TRIP12: variants seen among roughly 807,000 people sequenced by gnomAD.
The protein encoded by TRIP12 is thyroid hormone receptor interactor 12.
TRIP12 carries 25 observed loss-of-function variants against 244.2 expected under a neutral mutation model. The observed-to-expected ratio is 0.10, with a 90% CI of 0.07 to 0.14. The LOEUF (loss-of-function observed/expected upper bound fraction) is 0.14, where lower values mean the gene tolerates loss of function less well. TRIP12 is among the 10% of genes least tolerant of loss of function. The pLI, the probability that TRIP12 is intolerant of heterozygous loss-of-function variation, is 1.00. For synonymous variants in TRIP12, 905 were observed against 873.1 expected (o/e 1.04, Z -0.64); for missense variants, 1,677 against 2,486.4 (o/e 0.67, Z 6.92).
At chr2:229,803,130 G>A (rs760498631) in intron 20 of TRIP12, among the ~76,000 whole-genome samples, 3 of 152,232 alleles carry the variant, frequency 2.0e-5, no homozygotes, top group South Asian at 2.1e-4. Flanking sequence ...ATGAGCACAC[G>A]TTCACATTTT....
At chr2:229,922,378 G>A (rs900466287), upstream of TRIP12, 6 of 806,722 alleles carry the variant, frequency 7.4e-6, no homozygotes, top group Admixed American at 4.8e-5. Context: ...TTGGAAGAGG[G>A]GACGATCGCC....
At chr2:229,904,416 CAAAAAAAAAA>C (rs34224407) in intron 1 of TRIP12, among the ~76,000 whole-genome samples, 19 of 87,606 alleles carry the variant, frequency 2.2e-4, no homozygotes, top group African/African-American at 8.5e-4. Flanking sequence ...ACTCCATCTC[CAAAAAAAAAA>C]AAAAAAAAAA....
chr2:229,897,599 A>C (rs2069235959), intron 1 of TRIP12, among the ~76,000 whole-genome samples: 1 of 152,232 alleles, frequency 6.6e-6, no homozygotes, highest in Admixed American at 6.5e-5. Flanking sequence ...GTCAGCTGAG[A>C]TCGTGCCACT....
intron 20 of TRIP12, 108 bp from the exon 21 acceptor site, chr2:229,802,567 A>C: frequency 1.3e-6 from 1 of 751,032 alleles, no homozygotes. Context: ...ACACAAAAAG[A>C]CTAAAACATA....
At chr2:229,808,195 T>C in intron 16 of TRIP12, 57 bp downstream of exon 16, 1 of 1,290,740 alleles carries the variant, frequency 7.7e-7, no homozygotes. Context: ...CTCGAACTCC[T>C]GACCTCGTGA....
chr2:229,851,094 G>T (rs2058607909), intron 4 of TRIP12, among the ~76,000 whole-genome samples: 1 of 152,246 alleles, frequency 6.6e-6, no homozygotes, highest in Non-Finnish European at 1.5e-5. Flanking sequence ...AAGGGCTGAG[G>T]AGTCCGAGCA....
At chr2:229,871,019 A>G (rs969797702) in intron 2 of TRIP12, among the ~76,000 whole-genome samples, 1 of 152,106 alleles carries the variant, frequency 6.6e-6, no homozygotes, top group Non-Finnish European at 1.5e-5. Flanking sequence ...TTAGGCAGGC[A>G]TGGTGGTGCA....
At chr2:229,840,577 C>T (rs1355638046) in intron 5 of TRIP12, among the ~76,000 whole-genome samples, 1 of 152,004 alleles carries the variant, frequency 6.6e-6, no homozygotes, top group African/African-American at 2.4e-5. Flanking sequence ...TGGCAGGCAC[C>T]TGTAATCCCA....
chr2:229,782,868 T>G (rs1224403732), intron 34 of TRIP12, among the ~76,000 whole-genome samples: 2 of 152,130 alleles, frequency 1.3e-5, no homozygotes, highest in East Asian at 3.9e-4. Context: ...ATAAGAAAGC[T>G]GAGGGGCAGA....
rs763647554 is a variant in TRIP12, at chr2:229,771,632, G to A, written c.5695C>T (p.Leu1899=). ...TIHNLEEYLR[L]VIFWALNEGV... ...TCATTTAGTGCCCAGAATATAACCA[G>A]CTGCAAAAAGAAAGTTTTCAAAAAA... Residue 1899 remains leucine, a splice_region_variant and synonymous_variant, in exon 39 of 42, where the codon CTG becomes TTG. Coordinates refer to ENST00000675903, the MANE Select transcript of TRIP12 (RefSeq NM_001348323.3). 6.2e-7 allele frequency: 1 copy of A among 1,610,972 alleles called. No homozygotes were observed. Among genetic ancestry groups the A allele is most frequent in the Non-Finnish European group, 8.5e-7 (1 of 1,178,130 alleles).
In TRIP12 at chr2:229,859,086, G is replaced by C. The variant is rs763654046; in HGVS notation, c.713C>G (p.Ser238Cys). 1.2e-6 allele frequency: 2 copies of C among 1,614,218 alleles called. No individual in the cohort carries two copies. The highest frequency in any genetic ancestry group is 2.2e-5 in the South Asian group (2 of 91,088). The change falls in exon 4 of 42, where the codon TCT becomes TGT. Residue 238 changes from serine (S) to cysteine (C), a missense_variant. By Grantham distance (112) the Ser-to-Cys change is moderately radical (BLOSUM62 -1). Coordinates refer to ENST00000675903, the MANE Select transcript of TRIP12 (RefSeq NM_001348323.3). ...GGAGGAAGTAGAGGCAGCAGAAGAA[G>C]AATCAGTGATGGTGCTACACCCAGC... is the stretch of plus-strand genomic sequence containing the variant. ...AKAGCSTITD[S>C]SSAASTSSSS...
intron 37 of TRIP12, 50 bp from the exon 38 acceptor site, chr2:229,774,311 G>T (rs562450459): frequency 6.5e-7 from 1 of 1,537,902 alleles, no homozygotes; most frequent in Non-Finnish European, 8.8e-7. Flanking sequence ...ATTAACTTAC[G>T]GTTGTTTAAA....
At chr2:229,779,385 G>A (rs988704702) in intron 34 of TRIP12, among the ~76,000 whole-genome samples, 1 of 152,106 alleles carries the variant, frequency 6.6e-6, no homozygotes, top group African/African-American at 2.4e-5. Context: ...GCTCCCCCCA[G>A]CATCTGCTCC....
rs189844365 is a variant in TRIP12, at chr2:229,827,558, T to A, written c.1450+1635A>T. Among the ~76,000 whole-genome samples, 304 of 152,188 alleles carry A rather than the reference T, an allele frequency of 2.0e-3. 2 individuals are homozygous for A. The highest frequency in any genetic ancestry group is 7.0e-3 in the African/African-American group (290 of 41,524). On this transcript the variant is annotated intron_variant, in intron 8 of 41. Transcript: ENST00000675903. ...AACCTAGGCCTGCACGGGATGAAGA[T>A]CATCGGTATCATTACGTTCTACCTC...
intron 17 of TRIP12, chr2:229,807,292 C>T: frequency 4.8e-6 from 1 of 206,474 alleles, no homozygotes; most frequent in Non-Finnish European, 9.9e-6. Flanking sequence ...TTACCCAGAA[C>T]TGGCTATTTC....
At chr2:229,894,959 C>T (rs1005774037) in intron 1 of TRIP12, among the ~76,000 whole-genome samples, 7 of 152,120 alleles carry the variant, frequency 4.6e-5, no homozygotes, top group African/African-American at 1.7e-4. Flanking sequence ...AGAAAGGCAC[C>T]TTTAGGCCTC....
chr2:229,922,978 A>T (rs2076811643), upstream of TRIP12, among the ~76,000 whole-genome samples: 1 of 152,168 alleles, frequency 6.6e-6, no homozygotes, highest in African/African-American at 2.4e-5. Flanking sequence ...CGACTCAGCC[A>T]AGTGTCCCAA....
intron 4 of TRIP12, among the ~76,000 whole-genome samples, chr2:229,844,580 A>G (rs1391320594): frequency 2.6e-5 from 4 of 152,222 alleles, no homozygotes; most frequent in Non-Finnish European, 1.5e-5. Context: ...CCACCATGAT[A>G]AAGTATTCTA....
At position 229,769,399 on chromosome 2, in the gene TRIP12, G is replaced by A. The variant is rs770560397; in HGVS notation, c.5809-74C>T. On this transcript the variant is annotated intron_variant, in intron 39 of 41. Coordinates refer to ENST00000675903, the MANE Select transcript of TRIP12 (RefSeq NM_001348323.3). Reference sequence around the variant, plus strand: ...TACGTGAGTGAAAATAAAGGTCTACGTGTACCATAAAAGAGTATCAGTCTC... The same window carrying A: ...TACGTGAGTGAAAATAAAGGTCTACATGTACCATAAAAGAGTATCAGTCTC... 2,002 of 1,380,538 alleles carry A rather than the reference G, an allele frequency of 1.5e-3. 4 individuals carry two copies. The highest frequency in any genetic ancestry group is 1.9e-3 in the Non-Finnish European group (1,858 of 980,584). 85.5% of individuals were successfully genotyped at this position (1,380,538 alleles called of 1,614,324 possible). A position where few individuals can be genotyped will look rare whatever the true frequency, so the allele number is the denominator to read the frequency against.
Sources: allele counts gnomAD v4.1 joint callset (sites outside exome capture counted in the v4.1 genomes callset), GRCh38; gene constraint gnomAD v4.1.1; transcripts MANE v1.5; gene names NCBI Gene and HGNC (gene_info 2026-07-23, HGNC 2026-07-21).